The following IQANK1 variants were observed in gnomAD, a reference collection of about 807,000 sequenced individuals.
IQANK1 encodes the protein IQ motif and ankyrin repeat containing 1, also known as IQ motif and ankyrin repeat domain-containing protein 1.
IQANK1 carries 30 observed loss-of-function variants against 22.6 expected under a neutral mutation model. That is an observed-to-expected ratio of 1.33 (90% CI 0.99 to 1.80). The LOEUF is 1.80. Among genes scored for constraint, IQANK1 ranks in the 40% most tolerant of loss-of-function variants. IQANK1 has a pLI of 0.00. For missense variants in IQANK1, 275 were observed against 235.2 expected (o/e 1.17, Z -1.11); for synonymous variants, 122 against 99.6 (o/e 1.23, Z -1.34).
At chr8:143,748,840 A>AATATATAAATATATATTTCATAT (rs1563770466) in intron 3 of IQANK1, among the ~76,000 whole-genome samples, 2 of 115,132 alleles carry the variant, frequency 1.7e-5, no homozygotes, top group East Asian at 5.2e-4. Context: ...TTCATATATA[A>AATATATAAATATATATTTCATAT]ATATATAAAT....
At chr8:143,752,996 G>GT (rs34993930) in intron 3 of IQANK1, among the ~76,000 whole-genome samples, 41,768 of 69,782 alleles carry the variant, frequency 0.6, 15,243 homozygotes, top group Non-Finnish European at 0.69. Flanking sequence ...CTCTCTGTTC[G>GT]TTTTTTTTTT....
rs564416458 is a variant in IQANK1, at chr8:143,768,944, C to T, written c.176-2544C>T. ...TGTTACCATCAGGGTTATTTTATTT[C>T]GTGAAGGTTGTGATTCTGACCCAAA... On this transcript the variant is annotated intron_variant, in intron 3 of 13. Transcript: ENST00000527139. Among the ~76,000 whole-genome samples the T allele has an allele frequency of 3.9e-5, 6 of 152,164 alleles. No individual in the cohort carries two copies. In the East Asian group the frequency reaches 1.2e-3, roughly 29 times the overall value.
chr8:143,790,519 T>C lies in IQANK1; in HGVS notation c.1594T>C (p.Phe532Leu). Reference protein sequence around the residue: ...QEQRLEHFRLFFVTKVQWPPA... With the variant: ...QEQRLEHFRLLFVTKVQWPPA... ...GCAGCGGCTGGAGCACTTCCGCCTC[T>C]TTTTCGTCACCAAGGTCCAGTGGCC... Residue 532 changes from phenylalanine to leucine, a missense_variant, in exon 14 of 14, where the codon TTT becomes CTT. Transcript: ENST00000527139. 2 of 402,962 alleles carry C rather than the reference T, an allele frequency of 5.0e-6. No individual in the cohort carries two copies. The highest frequency in any genetic ancestry group is 6.3e-4 in the Middle Eastern group (1 of 1,598). The allele number at this position is 402,962 out of a possible 1,614,324, so 25.0% of individuals were successfully genotyped here. A position where few individuals can be genotyped will look rare whatever the true frequency, so the allele number is the denominator to read the frequency against.
rs1453906748 is a variant in IQANK1, at chr8:143,742,896, G to A, written c.175+2948G>A. On this transcript the variant is annotated intron_variant, in intron 3 of 13. Transcript: ENST00000527139. ...GCCTGGCAAGCACGGGGTCTTTCTT[G>A]CTGGACGGAGGCACAGGTGCCAGAA... is the stretch of plus-strand genomic sequence containing the variant. 1.1e-5 allele frequency: 5 copies of A among 456,116 alleles called. No individual in the cohort carries two copies. In the East Asian group the frequency reaches 3.5e-4, roughly 32 times the overall value. 28.3% of individuals were successfully genotyped at this position (456,116 alleles called of 1,614,324 possible).
chr8:143,738,604 G>A (rs1818807846), intron 2 of IQANK1, among the ~76,000 whole-genome samples: 1 of 152,248 alleles, frequency 6.6e-6, no homozygotes, highest in South Asian at 2.1e-4. Flanking sequence ...GAGGGAGGCT[G>A]AGAAGCTGGA....
At chr8:143,738,470 G>T (rs1378588692) in intron 2 of IQANK1, among the ~76,000 whole-genome samples, 1 of 152,208 alleles carries the variant, frequency 6.6e-6, no homozygotes, top group East Asian at 1.9e-4. Flanking sequence ...GGTGGGGCCA[G>T]GCCACGCCAG....
chr8:143,786,703 A>G (rs782003752), intron 7 of IQANK1, among the ~76,000 whole-genome samples: 11 of 152,172 alleles, frequency 7.2e-5, no homozygotes, highest in African/African-American at 2.7e-4. Context: ...TGCAGTGGAG[A>G]TGCCAGGCTA....
chr8:143,749,994 ATTTTTATTTTTAT>A (rs1410856898), intron 3 of IQANK1, among the ~76,000 whole-genome samples: 5 of 147,854 alleles, frequency 3.4e-5, no homozygotes, highest in South Asian at 2.2e-4. Flanking sequence ...TTTAAATTTT[ATTTTTATTTTTAT>A]TTTTTATTTT....
chr8:143,746,307 C>G (rs1285318122), intron 3 of IQANK1: 1 of 152,164 alleles, frequency 6.6e-6, no homozygotes, highest in Non-Finnish European at 1.5e-5. Flanking sequence ...CATAAATGAT[C>G]TATATCAGGC....
chr8:143,751,664 G>GTATATATATATATATATATA (rs71318622), intron 3 of IQANK1, among the ~76,000 whole-genome samples: 3,756 of 61,318 alleles, frequency 0.061, 376 homozygotes, highest in Non-Finnish European at 0.1. Flanking sequence ...GTGTGTGTGT[G>GTATATATATATATATATATA]TATATATATA....
intron 2 of IQANK1, among the ~76,000 whole-genome samples, chr8:143,738,667 G>A (rs996654146): frequency 6.6e-6 from 1 of 152,228 alleles, no homozygotes; most frequent in African/African-American, 2.4e-5. Context: ...GGGCGTGCCT[G>A]GTCCTGCCCT....
At chr8:143,783,140 G>A (rs1439254030) in intron 7 of IQANK1, among the ~76,000 whole-genome samples, 1 of 152,152 alleles carries the variant, frequency 6.6e-6, no homozygotes, top group Non-Finnish European at 1.5e-5. Flanking sequence ...GAACATTCTT[G>A]TATGTGTCTC....
intron 3 of IQANK1, among the ~76,000 whole-genome samples, chr8:143,755,778 G>A (rs543403305): frequency 6.6e-6 from 1 of 152,212 alleles, no homozygotes; most frequent in Admixed American, 6.5e-5. Context: ...CTTCATGATG[G>A]AAAGGGTTCA....
chr8:143,789,581 T>C (rs1257576717), intron 10 of IQANK1, 53 bp downstream of exon 10: 1 of 1,231,528 alleles, frequency 8.1e-7, no homozygotes, highest in Non-Finnish European at 1.0e-6. Flanking sequence ...CACCCCTCCT[T>C]GTTCCAAACC....
At chr8:143,740,308 G>A (rs1293735536) in intron 3 of IQANK1, among the ~76,000 whole-genome samples, 1 of 152,120 alleles carries the variant, frequency 6.6e-6, no homozygotes. Context: ...CGCGCGCGCC[G>A]CCCTCAGGTG....
intron 3 of IQANK1, among the ~76,000 whole-genome samples, chr8:143,764,099 G>T (rs904142952): frequency 1.3e-5 from 2 of 152,084 alleles, no homozygotes; most frequent in East Asian, 3.9e-4. Context: ...GATACTCTCA[G>T]CAGTCACAGA....
intron 7 of IQANK1, among the ~76,000 whole-genome samples, chr8:143,786,148 C>G (rs1370277199): frequency 6.6e-5 from 10 of 152,240 alleles, no homozygotes; most frequent in African/African-American, 2.4e-4. Context: ...CAGGCATGAG[C>G]CACCTTGCCT....
intron 3 of IQANK1, among the ~76,000 whole-genome samples, chr8:143,764,864 G>A (rs1554629111): frequency 2.6e-5 from 4 of 152,056 alleles, no homozygotes; most frequent in Admixed American, 1.3e-4. Flanking sequence ...CTTAAAAATT[G>A]TGTACAAAAG....
rs1376439637 is a variant in IQANK1 at position 143,775,118 on chromosome 8, C to G, written c.789+2636C>G. Among the ~76,000 whole-genome samples, 3 of 152,106 alleles carry G rather than the reference C, an allele frequency of 2.0e-5. No homozygotes were observed. The East Asian group carries it at 5.8e-4, about 29-fold the overall frequency. On this transcript the variant is annotated intron_variant, in intron 7 of 13. Coordinates refer to ENST00000527139, the MANE Select transcript of IQANK1 (RefSeq NM_001381874.1). ...TGTGAGAAAATTGTAATGATACACA[C>G]ACACACACGAGTAGATGTGAAATAG...
Sources: gnomAD v4.1 joint callset for allele counts (sites outside exome capture counted in the v4.1 genomes callset) on GRCh38, gnomAD v4.1.1 for gene constraint, MANE v1.5 for transcripts, NCBI Gene and HGNC (gene_info 2026-07-23, HGNC 2026-07-21) for gene names.